Variants in PROM2 observed in about 807,000 individuals in gnomAD.
The protein encoded by PROM2 is prominin 2.
A neutral mutation model predicts 110.2 loss-of-function variants in PROM2; 90 were observed. The observed-to-expected ratio is 0.82, with a 90% confidence interval of 0.69 to 0.97. The LOEUF (loss-of-function observed/expected upper bound fraction) is 0.97, where lower values mean the gene tolerates loss of function less well. PROM2 is among the 50% of genes least tolerant of loss of function. The pLI is 0.00. For missense variants in PROM2, 1,009 were observed against 1,074.8 expected, an observed-to-expected ratio of 0.94 and a Z score of 0.86; for synonymous variants, 470 against 467.8, an observed-to-expected ratio of 1.00 and a Z score of -0.06.
At position 95,278,668 on chromosome 2, in the gene PROM2, A is replaced by G. The variant is rs1676824868; in HGVS notation, c.1051-53A>G. 10 of 1,609,252 alleles carry G rather than the reference A, an allele frequency of 6.2e-6. 1 individual carries two copies. The South Asian group carries it at 1.1e-4, about 18-fold the overall frequency. On this transcript the variant is annotated intron_variant, in intron 8 of 23. Transcript: ENST00000317620. ...GGCCTGGTGACTTTGGGGTCTCCCA[A>G]GAGGGGACACTGGGCAGAGATGGGG...
At chr2:95,286,404 T>G in intron 16 of PROM2, 75 bp from the exon 17 acceptor site, 1 of 1,290,824 alleles carries the variant, frequency 7.7e-7, no homozygotes, top group Non-Finnish European at 1.1e-6. Flanking sequence ...TTTCTCTTGG[T>G]ATGTCAGACT....
chr2:95,279,856 G>T lies in PROM2; in HGVS notation c.1286G>T (p.Gly429Val). 6.8e-7 allele frequency: 1 copy of T among 1,478,202 alleles called. No homozygotes were observed. The allele number at this position is 1,478,202 out of a possible 1,614,324, so 91.6% of individuals were successfully genotyped here. A position where few individuals can be genotyped will look rare whatever the true frequency, so the allele number is the denominator to read the frequency against. The change falls in exon 11 of 24, where the codon GGC becomes GTC. Residue 429 changes from glycine (G) to valine (V), a missense_variant. Gly to Val is a moderately radical substitution (Grantham distance 109). Transcript: ENST00000317620. ...QRYETYRWIVGCVLCSVVLFV... is the reference protein window; with the variant it reads ...QRYETYRWIVVCVLCSVVLFV... ...CCTCTCTGTGGCAGGTGGATCGTGG[G>T]CTGCGTGCTGTGCTCCGTGGTCCTA... is the stretch of plus-strand genomic sequence containing the variant.
At position 95,277,416 on chromosome 2, in the gene PROM2, G is replaced by A. The variant is rs2104574663; in HGVS notation, c.825G>A (p.Glu275=). Residue 275 remains glutamate (E), a synonymous_variant, in exon 7 of 24, where the codon GAG becomes GAA. Transcript: ENST00000317620. The stretch of plus-strand genomic sequence containing the variant: ...AAACCTTGAATGCTACAGTGGTAGA[G>A]CTGCAGGCCGGGCAGCAGGACCTGG... ...HLQTLNATVV[E]LQAGQQDLEP... 6.2e-7 allele frequency: 1 copy of A among 1,613,396 alleles called. No individual in the cohort carries two copies. Among genetic ancestry groups the A allele is most frequent in the African/African-American group, 1.3e-5 (1 of 75,028 alleles).
Position 95,275,623 on chromosome 2 carries a change from G to A in PROM2, c.294+113G>A. 7.0e-7 allele frequency: 1 copy of A among 1,421,010 alleles called. No individual in the cohort carries two copies. Among genetic ancestry groups the A allele is most frequent in the Non-Finnish European group, 9.6e-7 (1 of 1,043,168 alleles). The allele number at this position is 1,421,010 out of a possible 1,614,324, so 88.0% of individuals were successfully genotyped here. ...CACCTCGCTGGGTGTCCACTAGGCA[G>A]GGGCTCAGGCATCCTCTCCCCTCCT... On this transcript the variant is annotated intron_variant, in intron 2 of 23. Transcript: ENST00000317620. This position sits in a 1 kb window ranked among gnomAD's most constrained non-coding sequence, Gnocchi z 4.4.
chr2:95,282,307 T>A (rs1677099268), intron 14 of PROM2, 81 bp downstream of exon 14: 1 of 1,173,172 alleles, frequency 8.5e-7, no homozygotes, highest in Non-Finnish European at 1.2e-6. Context: ...GGAGGCACCG[T>A]CTCTTTGAAC....
chr2:95,274,825 T>G lies in PROM2; in HGVS notation c.240T>G (p.Pro80=). 1 of 1,561,460 alleles carries G rather than the reference T, an allele frequency of 6.4e-7. No homozygotes were observed. Among genetic ancestry groups the G allele is most frequent in the Admixed American group, 1.8e-5 (1 of 54,826 alleles). The change falls in exon 1 of 24, where the codon CCT becomes CCG. Residue 80 remains proline (P), a synonymous_variant. Transcript: ENST00000317620. Reference sequence around the variant, plus strand: ...CGGTGGTGCAGCTCAATCCTTTCCCTTCAGGTGAGTGTGCCCCTCCCCCAT... The same window carrying G: ...CGGTGGTGCAGCTCAATCCTTTCCCGTCAGGTGAGTGTGCCCCTCCCCCAT... The part of the protein sequence containing the change: ...FLSVVQLNPF[P]SELVKALLNE...
At chr2:95,287,300 C>T (rs943783122) in intron 19 of PROM2, 87 bp downstream of exon 19, 13 of 1,574,272 alleles carry the variant, frequency 8.3e-6, no homozygotes, top group Admixed American at 1.7e-5. Flanking sequence ...GAAAGCTGGG[C>T]CTGTCCTCAA....
chr2:95,274,760 C>T lies in PROM2; in HGVS notation c.175C>T (p.Leu59Phe). The T allele has an allele frequency of 6.2e-7, 1 of 1,611,692 alleles. No individual in the cohort carries two copies. Among genetic ancestry groups the T allele is most frequent in the Non-Finnish European group, 8.5e-7 (1 of 1,179,866 alleles). Residue 59 changes from leucine to phenylalanine, a missense_variant, in exon 1 of 24, where the codon CTC (leucine) becomes TTC (phenylalanine). Transcript: ENST00000317620. ...GGCCCCTCGAGTTCGTGCGCCAGGA[C>T]TCCTGGACTCCCTCTATGGCACCGT... ...WLAPRVRAPG[L>F]LDSLYGTVRR...
In PROM2 at chr2:95,285,047, C is replaced by T. The variant is rs754246458; in HGVS notation, c.1807C>T (p.Arg603Cys). Reference protein sequence around the residue: ...QSLDLLSSAARRDLEALQSSG... With the variant: ...QSLDLLSSAACRDLEALQSSG... ...CCTGGACCTGCTGAGCTCAGCCGCC[C>T]GCCGGGACCTGGAGGCCCTGCAGAG... The change falls in exon 15 of 24, where the codon CGC becomes TGC. Residue 603 changes from arginine to cysteine, a missense_variant. Physicochemically the swap from Arg to Cys is radical, Grantham distance 180. Coordinates refer to ENST00000317620, the MANE Select transcript of PROM2 (RefSeq NM_001165978.3). 12 of 1,599,266 alleles carry T rather than the reference C, an allele frequency of 7.5e-6. No homozygotes were observed. Among genetic ancestry groups the T allele is most frequent in the Admixed American group, 3.4e-5 (2 of 58,376 alleles).
chr2:95,274,675 C>T lies in PROM2; in HGVS notation c.90C>T (p.Cys30=), dbSNP rs1253460717. 3 of 1,612,964 alleles carry T rather than the reference C, an allele frequency of 1.9e-6. No individual in the cohort carries two copies. The highest frequency in any genetic ancestry group is 1.1e-5 in the South Asian group (1 of 91,064). ...AGCTGGCTGCAGGGGCCACAGACTG[C>T]AAGTTCCTTGGCCCGGCAGAGCACC... The part of the protein sequence containing the change: ...LSQLAAGATD[C]KFLGPAEHLT... Residue 30 remains cysteine, a synonymous_variant, in exon 1 of 24, where the codon TGC becomes TGT. Coordinates refer to ENST00000317620, the MANE Select transcript of PROM2 (RefSeq NM_001165978.3).
Position 95,275,784 on chromosome 2 carries a change from C to T in PROM2, c.295-146C>T, listed in dbSNP as rs538264396. On this transcript the variant is annotated intron_variant, in intron 2 of 23. Transcript: ENST00000317620. The surrounding 1 kb of genome is among the most constrained non-coding windows in gnomAD (Gnocchi z 4.4). ...AAGATGGTGATGAGCAGTAAGAATGCGGTCACCTCTGGGACGGGTTCCATG... is the reference window on the plus strand; with the variant it reads ...AAGATGGTGATGAGCAGTAAGAATGTGGTCACCTCTGGGACGGGTTCCATG... The T allele has an allele frequency of 1.1e-5, 16 of 1,476,034 alleles. No homozygotes were observed. The highest frequency in any genetic ancestry group is 6.6e-5 in the Admixed American group (3 of 45,250). The allele number at this position is 1,476,034 out of a possible 1,614,324, so 91.4% of individuals were successfully genotyped here. A position where few individuals can be genotyped will look rare whatever the true frequency, so the allele number is the denominator to read the frequency against.
intron 12 of PROM2, among the ~76,000 whole-genome samples, chr2:95,281,596 G>A (rs1391680769): frequency 6.6e-6 from 1 of 152,150 alleles, no homozygotes; most frequent in Non-Finnish European, 1.5e-5. Context: ...CAGGGACCCT[G>A]AGAGATGGCA....
At chr2:95,277,704 C>A in intron 7 of PROM2, 138 bp downstream of exon 7, 1 of 935,908 alleles carries the variant, frequency 1.1e-6, no homozygotes, top group Non-Finnish European at 1.6e-6. Context: ...GCGGGTCATC[C>A]TGGCAGTGGG....
At chr2:95,284,552 T>C (rs1357588366) in intron 14 of PROM2, among the ~76,000 whole-genome samples, 1 of 149,860 alleles carries the variant, frequency 6.7e-6, no homozygotes, top group Non-Finnish European at 1.5e-5. Context: ...AGAAAAGAGG[T>C]TTAAGTGCAG....
At chr2:95,277,617 G>A in intron 7 of PROM2, 51 bp downstream of exon 7, 1 of 1,459,334 alleles carries the variant, frequency 6.9e-7, no homozygotes. Context: ...CTAGCTGCCT[G>A]CTGCTCCTGG....
Position 95,276,133 on chromosome 2 carries a change from G to A in PROM2, c.497+1G>A, listed in dbSNP as rs1478145290. On this transcript the variant is annotated splice_donor_variant, in intron 3 of 23. Transcript: ENST00000317620. LOFTEE classifies it high-confidence loss of function. The surrounding 1 kb of genome is among the most constrained non-coding windows in gnomAD (Gnocchi z 4.6). ...TGCTGCTGACCACCCTCTTGCTGCT[G>A]TAAGGCGCTGCCCAGGGCCCGGGTA... is the stretch of plus-strand genomic sequence containing the variant. The A allele has an allele frequency of 5.6e-6, 9 of 1,611,914 alleles. No individual in the cohort carries two copies. The highest frequency in any genetic ancestry group is 2.7e-5 in the African/African-American group (2 of 74,926).
Position 95,274,792 on chromosome 2 carries a change from C to T in PROM2, c.207C>T (p.Arg69=). The T allele has an allele frequency of 6.2e-7, 1 of 1,606,140 alleles. No individual in the cohort carries two copies. The highest frequency in any genetic ancestry group is 8.5e-7 in the Non-Finnish European group (1 of 1,177,234). ...ACTCCCTCTATGGCACCGTGCGCCG[C>T]TTCCTCTCGGTGGTGCAGCTCAATC... ...LLDSLYGTVR[R]FLSVVQLNPF... Residue 69 remains arginine, a synonymous_variant, in exon 1 of 24, where the codon CGC becomes CGT. Coordinates refer to ENST00000317620, the MANE Select transcript of PROM2 (RefSeq NM_001165978.3).
Position 95,277,534 on chromosome 2 carries a change from C to A in PROM2, c.943C>A (p.Arg315Ser). 6.3e-7 allele frequency: 1 copy of A among 1,597,400 alleles called. No homozygotes were observed. Among genetic ancestry groups the A allele is most frequent in the Middle Eastern group, 1.9e-4 (1 of 5,134 alleles). ...GDCAGALSWARTLELGADFSQ... is the reference protein window; with the variant it reads ...GDCAGALSWASTLELGADFSQ... ...TTGTGCAGGGGCCCTGAGCTGGGCCCGCACCCTGGAGCTGGGTGCTGACTT... is the reference window on the plus strand; with the variant it reads ...TTGTGCAGGGGCCCTGAGCTGGGCCAGCACCCTGGAGCTGGGTGCTGACTT... Residue 315 changes from arginine (R) to serine (S), a missense_variant, in exon 7 of 24, where the codon CGC becomes AGC. Physicochemically the swap from Arg to Ser is moderately radical, Grantham distance 110. Transcript: ENST00000317620.
Position 95,286,443 on chromosome 2 carries a change from C to T in PROM2, c.1948-36C>T, listed in dbSNP as rs1677357724. On this transcript the variant is annotated intron_variant, in intron 16 of 23. Coordinates refer to ENST00000317620, the MANE Select transcript of PROM2 (RefSeq NM_001165978.3). ...AGGCTGGGTGACGGGTAGATGGGTC[C>T]TGGGCGGGGCCGTTCTGATTTTTGT... 8.8e-6 allele frequency: 14 copies of T among 1,590,378 alleles called. No homozygotes were observed. In the East Asian group the frequency reaches 3.1e-4, roughly 36 times the overall value.
Sources: allele counts gnomAD v4.1 joint callset (sites outside exome capture counted in the v4.1 genomes callset), GRCh38; gene constraint gnomAD v4.1.1; non-coding constraint Gnocchi (gnomAD v3.1); transcripts MANE v1.5; gene names NCBI Gene and HGNC (gene_info 2026-07-23, HGNC 2026-07-21).